The following ADGRE5 variants were observed in gnomAD, a reference collection of about 807,000 sequenced individuals.
ADGRE5 encodes the protein adhesion G protein-coupled receptor E5, also known as CD97 molecule.
A neutral mutation model predicts 100.3 loss-of-function variants in ADGRE5; 72 were observed. The observed-to-expected ratio is 0.72, with a 90% CI of 0.59 to 0.87. The LOEUF (loss-of-function observed/expected upper bound fraction) is 0.87. Among genes scored for constraint, ADGRE5 ranks in the 40% least tolerant of loss-of-function variants. The probability of loss-of-function intolerance (pLI) is 0.00; values close to 1 mark genes in which losing one functional copy is unlikely to be tolerated. For synonymous variants in ADGRE5, 439 were observed against 447.8 expected, an observed-to-expected ratio of 0.98 and a Z score of 0.25; for missense variants, 959 against 1,094.7, an observed-to-expected ratio of 0.88 and a Z score of 1.75.
chr19:14,388,459 T>G lies in ADGRE5; in HGVS notation c.32T>G (p.Val11Gly). The change falls in exon 2 of 20, where the codon GTC (valine) becomes GGC (glycine). Residue 11 changes from valine (V) to glycine (G), a missense_variant. Val to Gly is a moderately radical substitution (Grantham distance 109). Coordinates refer to ENST00000242786, the MANE Select transcript of ADGRE5 (RefSeq NM_078481.4). ...CCTTTCTCTGTTGCAGCATTCTGTG[T>G]CTGGCTGACTCTGCCGGGAGCTGAA... MGGRVFLAFC[V>G]WLTLPGAETQ... 6.2e-7 allele frequency: 1 copy of G among 1,600,216 alleles called. No individual in the cohort carries two copies. Among genetic ancestry groups the G allele is most frequent in the Non-Finnish European group, 8.5e-7 (1 of 1,172,582 alleles).
chr19:14,390,870 C>A lies in ADGRE5; in HGVS notation c.191-54C>A, dbSNP rs568227294. On this transcript the variant is annotated intron_variant, in intron 3 of 19. Coordinates refer to ENST00000242786, the MANE Select transcript of ADGRE5 (RefSeq NM_078481.4). ...TGGGGAGTCAGGATGGGGGTCTCTG[C>A]CCTGACAGAACTCACATCTTTGGGA... 3 of 1,595,346 alleles carry A rather than the reference C, an allele frequency of 1.9e-6. 1 individual carries two copies. In the Admixed American group the frequency reaches 5.2e-5, roughly 28 times the overall value.
At chr19:14,393,872 A>G (rs1599619932) in intron 4 of ADGRE5, among the ~76,000 whole-genome samples, 1 of 152,288 alleles carries the variant, frequency 6.6e-6, no homozygotes, top group East Asian at 1.9e-4. Context: ...CAGAGTCTTC[A>G]TGTGAACTGG....
At chr19:14,396,715 T>C (rs1189580217) in intron 5 of ADGRE5, among the ~76,000 whole-genome samples, 7 of 152,254 alleles carry the variant, frequency 4.6e-5, no homozygotes, top group Admixed American at 3.9e-4. Flanking sequence ...CTTCCTCATC[T>C]GTCACGTGCG....
At chr19:14,397,252 C>T (rs749685229) in intron 6 of ADGRE5, 29 bp downstream of exon 6, 22 of 1,613,236 alleles carry the variant, frequency 1.4e-5, no homozygotes, top group South Asian at 2.2e-5. Flanking sequence ...ACGTTTCTAG[C>T]GACCCACAAA....
chr19:14,402,703 T>C lies in ADGRE5; in HGVS notation c.1290T>C (p.Tyr430=), dbSNP rs368849819. 6.2e-7 allele frequency: 1 copy of C among 1,614,182 alleles called. No individual in the cohort carries two copies. ...AGCAAGCCGAACTGGAGGAGATATA[T>C]GAAAGCAGCATCCGTGGTGTCCAAC... ...SKKQAELEEI[Y]ESSIRGVQLR... The change falls in exon 12 of 20, where the codon TAT becomes TAC. Residue 430 remains tyrosine, a synonymous_variant. Transcript: ENST00000242786.
chr19:14,396,454 G>T lies in ADGRE5; in HGVS notation c.459G>T (p.Glu153Asp), dbSNP rs772327908. 3.1e-6 allele frequency: 5 copies of T among 1,614,306 alleles called. No individual in the cohort carries two copies. The highest frequency in any genetic ancestry group is 2.2e-5 in the South Asian group (2 of 91,092). The change falls in exon 5 of 20, where the codon GAG (glutamate) becomes GAT (aspartate). Residue 153 changes from glutamate to aspartate, a missense_variant. Glu to Asp is a conservative substitution (Grantham distance 45). Transcript: ENST00000242786. Reference protein sequence around the residue: ...QCLPGFKFIPEDPKVCTDVNE... With the variant: ...QCLPGFKFIPDDPKVCTDVNE... ...TGCCTGGCTTCAAGTTCATACCTGA[G>T]GATCCGAAGGTCTGCACAGGTAGAG...
At position 14,408,540 on chromosome 19, in the gene ADGRE5, T is replaced by TGTCA. The variant is rs1318384177; in HGVS notation, c.*421_*424dup. On this transcript the variant is annotated 3_prime_UTR_variant, in exon 20 of 20. Transcript: ENST00000242786. ...AGCTTCCCTCTTAAGCTAAGACTGA[T>TGTCA]GTCAGAGGCCCCATGGCGAGGCCCC... The TGTCA allele has an allele frequency of 4.6e-6, 2 of 430,144 alleles. No homozygotes were observed. Among genetic ancestry groups the TGTCA allele is most frequent in the African/African-American group, 3.9e-5 (2 of 51,222 alleles). The allele number at this position is 430,144 out of a possible 1,614,324, so 26.6% of individuals were successfully genotyped here.
At chr19:14,384,443 T>C (rs993478794) in intron 1 of ADGRE5, among the ~76,000 whole-genome samples, 9 of 152,114 alleles carry the variant, frequency 5.9e-5, no homozygotes, top group African/African-American at 2.2e-4. Context: ...TTCCTTCCCT[T>C]AGGCCCAGGA....
chr19:14,407,223 C>G lies in ADGRE5; in HGVS notation c.2370C>G (p.Asn790Lys), dbSNP rs773593609. The G allele has an allele frequency of 6.2e-7, 1 of 1,613,930 alleles. No individual in the cohort carries two copies. Among genetic ancestry groups the G allele is most frequent in the Non-Finnish European group, 8.5e-7 (1 of 1,179,976 alleles). ...TCTACCTGCTGCACTGCCTGCTCAA[C>G]AAGAAGGTGGGGGCCTGGGCACAGT... ...AFLYLLHCLL[N>K]KKVREEYRKW... Residue 790 changes from asparagine (N) to lysine (K), a missense_variant, in exon 18 of 20, where the codon AAC (asparagine) becomes AAG (lysine). Transcript: ENST00000242786.
intron 1 of ADGRE5, among the ~76,000 whole-genome samples, chr19:14,384,615 G>A (rs1353917324): frequency 9.9e-6 from 1 of 100,752 alleles, no homozygotes; most frequent in Non-Finnish European, 2.0e-5. Flanking sequence ...ATATCCCAAC[G>A]CCCTCCGTTC....
At chr19:14,405,146 CTTTT>C (rs1017291562) in intron 13 of ADGRE5, 1 of 147,060 alleles carries the variant, frequency 6.8e-6, no homozygotes, top group Non-Finnish European at 1.5e-5. Flanking sequence ...CACCCGGCCT[CTTTT>C]TTTTTTTCTT....
intron 13 of ADGRE5, chr19:14,405,478 A>C: frequency 2.3e-6 from 1 of 439,580 alleles, no homozygotes; most frequent in Non-Finnish European, 4.0e-6. Flanking sequence ...CTTCAGTAGG[A>C]TCCATCGTTA....
At chr19:14,393,724 C>T (rs1568311465) in intron 4 of ADGRE5, among the ~76,000 whole-genome samples, 1 of 152,128 alleles carries the variant, frequency 6.6e-6, no homozygotes, top group Non-Finnish European at 1.5e-5. Flanking sequence ...GGGGACAAGG[C>T]AGAGATGCAT....
At chr19:14,394,577 G>A (rs1975709327) in intron 4 of ADGRE5, among the ~76,000 whole-genome samples, 1 of 152,152 alleles carries the variant, frequency 6.6e-6, no homozygotes, top group Admixed American at 6.5e-5. Context: ...AAACAAAAGG[G>A]GGCTGGCACT....
In ADGRE5 at chr19:14,392,197, T is replaced by C. The variant is rs188702314; in HGVS notation, c.346+1118T>C. Among the ~76,000 whole-genome samples, 358 of 151,876 alleles carry C rather than the reference T, an allele frequency of 2.4e-3. 4 individuals carry two copies. The highest frequency in any genetic ancestry group is 1.0e-3 in the Non-Finnish European group (70 of 67,960). On this transcript the variant is annotated intron_variant, in intron 4 of 19. Coordinates refer to ENST00000242786, the MANE Select transcript of ADGRE5 (RefSeq NM_078481.4). ...GCCAAGGTGGGAGGATCACTTCACT[T>C]GAGTCTGGGAGTTCAAGACCAGCCT...
Position 14,397,723 on chromosome 19 carries a change from G to A in ADGRE5, c.691G>A (p.Gly231Ser). 2 of 1,462,756 alleles carry A rather than the reference G, an allele frequency of 1.4e-6. No homozygotes were observed. The highest frequency in any genetic ancestry group is 1.2e-5 in the South Asian group (1 of 86,906). The allele number at this position is 1,462,756 out of a possible 1,614,324, so 90.6% of individuals were successfully genotyped here. Residue 231 changes from glycine (G) to serine (S), a missense_variant, in exon 7 of 20, where the codon GGT becomes AGT. Transcript: ENST00000242786. ...DSSTVCFNTV[G>S]SYSCRCRPGW... ...CTCCACCGTCTGCTTCAACACCGTG[G>A]GTTCATACAGCTGCCGCTGCCGCCC...
Position 14,401,847 on chromosome 19 carries a change from C to T in ADGRE5, c.1183+87C>T, listed in dbSNP as rs761958696. 2.5e-5 allele frequency: 23 copies of T among 910,234 alleles called. No individual in the cohort carries two copies. The highest frequency in any genetic ancestry group is 3.4e-5 in the African/African-American group (2 of 59,072). The allele number at this position is 910,234 out of a possible 1,614,324, so 56.4% of individuals were successfully genotyped here. A position where few individuals can be genotyped will look rare whatever the true frequency, so the allele number is the denominator to read the frequency against. ...CAGGGTGAGGTTCAGAATAGAACAACTGACTGGGCGCGGTGGCTCACGCCT... is the reference window on the plus strand; with the variant it reads ...CAGGGTGAGGTTCAGAATAGAACAATTGACTGGGCGCGGTGGCTCACGCCT... On this transcript the variant is annotated intron_variant, in intron 11 of 19. Transcript: ENST00000242786. This position sits in a 1 kb window ranked among gnomAD's most constrained non-coding sequence, Gnocchi z 4.1.
intron 4 of ADGRE5, among the ~76,000 whole-genome samples, chr19:14,394,044 C>T (rs1048653141): frequency 2.6e-5 from 4 of 152,108 alleles, no homozygotes; most frequent in African/African-American, 9.7e-5. Flanking sequence ...CTAGGGGTGC[C>T]GCCCACCCAC....
intron 4 of ADGRE5, among the ~76,000 whole-genome samples, chr19:14,395,755 C>A (rs372455635): frequency 6.6e-6 from 1 of 152,152 alleles, no homozygotes; most frequent in African/African-American, 2.4e-5. Context: ...GCCCACTGTC[C>A]GGGCAGCCCT....
Sources: allele counts gnomAD v4.1 joint callset (sites outside exome capture counted in the v4.1 genomes callset), GRCh38; gene constraint gnomAD v4.1.1; non-coding constraint Gnocchi (gnomAD v3.1); transcripts MANE v1.5; gene names NCBI Gene and HGNC (gene_info 2026-07-23, HGNC 2026-07-21).